Variants in ACACB observed in about 807,000 individuals in gnomAD.
The protein encoded by ACACB is acetyl-CoA carboxylase 2.
In ACACB, 209 loss-of-function variants were observed where a neutral mutation model predicts 278.8. That is an observed-to-expected ratio of 0.75 (90% confidence interval 0.67 to 0.84). The LOEUF (loss-of-function observed/expected upper bound fraction) is 0.84, where lower values mean the gene tolerates loss of function less well. Among genes scored for constraint, ACACB ranks in the 40% least tolerant of loss-of-function variants. The pLI is 0.00. For missense variants in ACACB, 2,850 were observed against 3,269.0 expected (o/e 0.87, Z 3.13); for synonymous variants, 1,174 against 1,285.6 (o/e 0.91, Z 1.86).
chr12:109,139,485 C>G lies in ACACB; in HGVS notation c.80C>G (p.Thr27Arg). ...TGGTTAAAAATCTGGGGGAAAATGA[C>G]GGACTCCAAGCCGATCACCAAGAGT... ...FSWLKIWGKM[T>R]DSKPITKSKS... The change falls in exon 2 of 53, where the codon ACG becomes AGG. Residue 27 changes from threonine (T) to arginine (R), a missense_variant. By Grantham distance (71) the Thr-to-Arg change is moderately conservative (BLOSUM62 -1). Around this residue, in one of 3 missense-constraint regions of ACACB, gnomAD observed 2,265 missense variants for 2,561.3 expected, o/e 0.88. Coordinates refer to ENST00000338432, the MANE Select transcript of ACACB (RefSeq NM_001093.4). The G allele has an allele frequency of 6.2e-7, 1 of 1,614,140 alleles. No homozygotes were observed. Among genetic ancestry groups the G allele is most frequent in the Non-Finnish European group, 8.5e-7 (1 of 1,180,030 alleles).
At chr12:109,135,308 C>G (rs1282242760) in intron 1 of ACACB, among the ~76,000 whole-genome samples, 1 of 151,946 alleles carries the variant, frequency 6.6e-6, no homozygotes, top group Non-Finnish European at 1.5e-5. Context: ...ATTTATTGAC[C>G]ATTTGTATAT....
At chr12:109,163,940 A>T (rs2043818250) in intron 2 of ACACB, among the ~76,000 whole-genome samples, 1 of 152,124 alleles carries the variant, frequency 6.6e-6, no homozygotes, top group South Asian at 2.1e-4. Context: ...GTAAGCCACC[A>T]TGTTCAGCCC....
In ACACB at chr12:109,164,441, G is replaced by A. The variant is rs1426597497; in HGVS notation, c.654-2420G>A. Reference sequence around the variant, plus strand: ...AGAGATGGGGTTCACCATATTGGCCGGGCTGGTCTCAAACTCCTGACCTCA... The same window carrying A: ...AGAGATGGGGTTCACCATATTGGCCAGGCTGGTCTCAAACTCCTGACCTCA... On this transcript the variant is annotated intron_variant, in intron 2 of 52. Coordinates refer to ENST00000338432, the MANE Select transcript of ACACB (RefSeq NM_001093.4). Among the ~76,000 whole-genome samples, 5 of 151,892 alleles carry A rather than the reference G, an allele frequency of 3.3e-5. No homozygotes were observed. In the East Asian group the frequency reaches 5.8e-4, roughly 18 times the overall value.
At position 109,246,355 on chromosome 12, in the gene ACACB, C is replaced by T. The variant is rs773257728; in HGVS notation, c.5478C>T (p.Tyr1826=). The change falls in exon 39 of 53, where the codon TAC becomes TAT. Residue 1826 remains tyrosine (Y), a synonymous_variant. Coordinates refer to ENST00000338432, the MANE Select transcript of ACACB (RefSeq NM_001093.4). ...MARAEGIPKI[Y]VAANSGARIG... ...GGGCAGAGGGCATTCCCAAAATTTA[C>T]GTGGCAGCCAACAGTGGCGCCCGTA... The T allele has an allele frequency of 5.6e-6, 9 of 1,613,134 alleles. No homozygotes were observed. The East Asian group carries it at 6.7e-5, about 12-fold the overall frequency.
chr12:109,158,300 T>C (rs2043607703), intron 2 of ACACB, among the ~76,000 whole-genome samples: 1 of 152,180 alleles, frequency 6.6e-6, no homozygotes, highest in African/African-American at 2.4e-5. Flanking sequence ...CAATCAGACA[T>C]TATTTATAGA....
intron 2 of ACACB, among the ~76,000 whole-genome samples, chr12:109,151,272 T>C (rs1396507012): frequency 2.6e-5 from 4 of 152,148 alleles, no homozygotes; most frequent in East Asian, 1.9e-4. Flanking sequence ...TGTGAGCCAC[T>C]GCGCCCGGCC....
intron 19 of ACACB, among the ~76,000 whole-genome samples, chr12:109,203,395 A>G (rs912175766): frequency 2.0e-5 from 3 of 152,224 alleles, no homozygotes; most frequent in Non-Finnish European, 4.4e-5. Context: ...TATAGTTGTC[A>G]GGTCTCTTTC....
intron 30 of ACACB, 44 bp from the exon 31 acceptor site, chr12:109,233,894 G>C (rs2136613768): frequency 1.9e-6 from 3 of 1,613,262 alleles, no homozygotes; most frequent in African/African-American, 1.3e-5. Flanking sequence ...GGTGGGCCGT[G>C]GCCCCCAGGC....
At chr12:109,239,366 G>T (rs760379600) in intron 34 of ACACB, among the ~76,000 whole-genome samples, 1 of 152,212 alleles carries the variant, frequency 6.6e-6, no homozygotes, top group Non-Finnish European at 1.5e-5. Context: ...TCTGGGGTTG[G>T]TCAGGCAGCA....
At chr12:109,133,865 T>A (rs7956069) in intron 1 of ACACB, among the ~76,000 whole-genome samples, 975 of 23,076 alleles carry the variant, frequency 0.042, 3 homozygotes, top group Admixed American at 0.076. Flanking sequence ...ATATATATAT[T>A]TTTTTTTTTT....
In ACACB at chr12:109,258,349, G is replaced by A. The variant is rs2047285467; in HGVS notation, c.6345G>A (p.Leu2115=). The A allele has an allele frequency of 2.5e-6, 4 of 1,611,696 alleles. No homozygotes were observed. In the East Asian group the frequency reaches 8.9e-5, roughly 36 times the overall value. Residue 2115 remains leucine (L), a synonymous_variant, in exon 46 of 53, where the codon CTG becomes CTA. Transcript: ENST00000338432. The part of the protein sequence containing the change: ...EVAVPADPAN[L]DSEAKIIQQA... Reference sequence around the variant, plus strand: ...CAGTCCCTGCAGACCCTGCCAACCTGGATTCTGAGGCCAAGGTGAGGGGGC... The same window carrying A: ...CAGTCCCTGCAGACCCTGCCAACCTAGATTCTGAGGCCAAGGTGAGGGGGC...
chr12:109,258,380 G>A lies in ACACB; in HGVS notation c.6360+16G>A, dbSNP rs1440208357. The A allele has an allele frequency of 6.2e-7, 1 of 1,602,198 alleles. No homozygotes were observed. The highest frequency in any genetic ancestry group is 1.3e-5 in the African/African-American group (1 of 74,730). On this transcript the variant is annotated intron_variant, in intron 46 of 52. Coordinates refer to ENST00000338432, the MANE Select transcript of ACACB (RefSeq NM_001093.4). ...TGAGGCCAAGGTGAGGGGGCCGGGA[G>A]CTGTGGCTGCTGGTTTAGCCAGCGG...
At chr12:109,212,580 C>T (rs189262245) in intron 21 of ACACB, among the ~76,000 whole-genome samples, 16 of 152,178 alleles carry the variant, frequency 1.1e-4, no homozygotes, top group Admixed American at 9.8e-4. Context: ...GGTTTGCGCT[C>T]CTGTGAGAAT....
At position 109,161,331 on chromosome 12, in the gene ACACB, G is replaced by T. The variant is rs150012485; in HGVS notation, c.654-5530G>T. 4.1e-3 allele frequency among the ~76,000 whole-genome samples: 623 copies of T among 152,202 alleles called. 6 individuals are homozygous for T. The highest frequency in any genetic ancestry group is 0.014 in the African/African-American group (568 of 41,554). ...GGCTGAGGCAGGCAGATCACTTGAG[G>T]TCAGGAGTTCAAGACCACTCTGGCC... On this transcript the variant is annotated intron_variant, in intron 2 of 52. Transcript: ENST00000338432.
rs1485413114 is a variant in ACACB at position 109,172,294 on chromosome 12, G to T, written c.1055G>T (p.Gly352Val). ...TTGCAGGCGGTGTGGGCTGGCTGGGGCCATGCTTCAGAAAACCCTAAACTT... is the reference window on the plus strand; with the variant it reads ...TTGCAGGCGGTGTGGGCTGGCTGGGTCCATGCTTCAGAAAACCCTAAACTT... ...IPVQAVWAGW[G>V]HASENPKLPE... Residue 352 changes from glycine (G) to valine (V), a missense_variant, in exon 6 of 53, where the codon GGC becomes GTC. Transcript: ENST00000338432. 1 of 1,613,988 alleles carries T rather than the reference G, an allele frequency of 6.2e-7. No individual in the cohort carries two copies. The highest frequency in any genetic ancestry group is 8.5e-7 in the Non-Finnish European group (1 of 1,180,030).
intron 52 of ACACB, 29 bp from the exon 53 acceptor site, chr12:109,266,207 T>C: frequency 6.2e-7 from 1 of 1,606,258 alleles, no homozygotes; most frequent in Non-Finnish European, 8.5e-7. Context: ...GCTGGAGTGA[T>C]CCCAGCCCTC....
chr12:109,191,389 T>G, intron 13 of ACACB: 1 of 416,298 alleles, frequency 2.4e-6, no homozygotes, highest in Non-Finnish European at 4.5e-6. Flanking sequence ...AAGTTTTGTA[T>G]TTTTGGTAGA....
Position 109,174,097 on chromosome 12 carries a change from G to A in ACACB, c.1118-35G>A, listed in dbSNP as rs112199530. Reference sequence around the variant, plus strand: ...AGCCTCGAGGGTCTTGTGACTGACCGGATTCTGCTTCCCTTCTTGTCCCCG... The same window carrying A: ...AGCCTCGAGGGTCTTGTGACTGACCAGATTCTGCTTCCCTTCTTGTCCCCG... On this transcript the variant is annotated intron_variant, in intron 6 of 52. Coordinates refer to ENST00000338432, the MANE Select transcript of ACACB (RefSeq NM_001093.4). 533 of 1,573,134 alleles carry A rather than the reference G, an allele frequency of 3.4e-4. 3 individuals are homozygous for A. In the African/African-American group the frequency reaches 3.7e-3, roughly 11 times the overall value.
At chr12:109,219,688 C>T (rs1001405946) in intron 24 of ACACB, among the ~76,000 whole-genome samples, 5 of 152,136 alleles carry the variant, frequency 3.3e-5, no homozygotes, top group Non-Finnish European at 5.9e-5. Flanking sequence ...TGCGCACGTA[C>T]GTTCTTATTA....
Sources: gnomAD v4.1 joint callset for allele counts (sites outside exome capture counted in the v4.1 genomes callset) on GRCh38, gnomAD v4.1.1 for gene constraint, gnomAD v4.1.1 regional missense constraint, MANE v1.5 for transcripts, NCBI Gene and HGNC (gene_info 2026-07-23, HGNC 2026-07-21) for gene names.